OSBP: variants seen among roughly 807,000 people sequenced by gnomAD.
OSBP encodes the protein oxysterol binding protein, also known as oxysterol-binding protein 1.
OSBP carries 32 observed loss-of-function variants against 96.6 expected under a neutral mutation model. The observed-to-expected ratio is 0.33, with a 90% CI of 0.25 to 0.45. The LOEUF is 0.45. OSBP is among the 20% of genes least tolerant of loss of function. OSBP has a pLI of 1.00. For missense variants in OSBP, 653 were observed against 1,029.7 expected, an observed-to-expected ratio of 0.63 and a Z score of 5.01; for synonymous variants, 369 against 389.6, an observed-to-expected ratio of 0.95 and a Z score of 0.62.
intron 3 of OSBP, 36 bp downstream of exon 3, chr11:59,608,448 G>C (rs182806476): frequency 1.5e-5 from 24 of 1,613,292 alleles, no homozygotes; most frequent in Admixed American, 3.3e-5. Context: ...AAGAGGGAAT[G>C]AATCAAAAAG....
chr11:59,595,998 A>T (rs542999323), intron 7 of OSBP, among the ~76,000 whole-genome samples: 50 of 149,924 alleles, frequency 3.3e-4, no homozygotes, highest in African/African-American at 1.1e-3. Context: ...TAAATAAATA[A>T]AATTCATAAA....
At chr11:59,613,251 TATGGC>T (rs1411253847) in intron 1 of OSBP, among the ~76,000 whole-genome samples, 7 of 152,240 alleles carry the variant, frequency 4.6e-5, no homozygotes, top group Non-Finnish European at 8.8e-5. Context: ...AGGGCAGGCC[TATGGC>T]ATATTTCCCA....
intron 7 of OSBP, among the ~76,000 whole-genome samples, chr11:59,599,988 A>C (rs1339411875): frequency 6.6e-6 from 1 of 152,226 alleles, no homozygotes; most frequent in Non-Finnish European, 1.5e-5. Flanking sequence ...ACAACAGTGT[A>C]GACAGACTGG....
At chr11:59,579,921 AGG>A (rs1323549517) in intron 11 of OSBP, among the ~76,000 whole-genome samples, 1 of 152,120 alleles carries the variant, frequency 6.6e-6, no homozygotes, top group Non-Finnish European at 1.5e-5. Flanking sequence ...CATGTTGGCC[AGG>A]CTGGGCTCGA....
At chr11:59,610,777 T>C (rs1016591652) in intron 1 of OSBP, among the ~76,000 whole-genome samples, 188 bp from the exon 2 acceptor site, 27 of 151,742 alleles carry the variant, frequency 1.8e-4, no homozygotes, top group African/African-American at 6.5e-4. Context: ...TCAGAGCCTA[T>C]AAGTGTTGTT....
chr11:59,592,074 A>C (rs1286187863), intron 9 of OSBP, among the ~76,000 whole-genome samples: 1 of 152,222 alleles, frequency 6.6e-6, no homozygotes, highest in African/African-American at 2.4e-5. Flanking sequence ...ATGGTGAAAC[A>C]TCACATTGCA....
intron 3 of OSBP, among the ~76,000 whole-genome samples, chr11:59,606,392 C>A (rs1860781222): frequency 6.7e-6 from 1 of 148,900 alleles, no homozygotes. Context: ...AACATGAATG[C>A]AACTGGAGGC....
At chr11:59,582,140 ATC>A (rs1265956251) in intron 9 of OSBP, among the ~76,000 whole-genome samples, 1 of 152,230 alleles carries the variant, frequency 6.6e-6, no homozygotes, top group African/African-American at 2.4e-5. Context: ...TGACAGGAAT[ATC>A]TCTGTTATTT....
At chr11:59,612,124 C>T (rs1456537154) in intron 1 of OSBP, among the ~76,000 whole-genome samples, 1 of 152,204 alleles carries the variant, frequency 6.6e-6, no homozygotes, top group African/African-American at 2.4e-5. Flanking sequence ...ATGGCACACA[C>T]CCCATAAGAT....
chr11:59,600,384 A>G, intron 7 of OSBP, 112 bp downstream of exon 7: 1 of 1,164,720 alleles, frequency 8.6e-7, no homozygotes, highest in Non-Finnish European at 1.2e-6. Context: ...AAAGGTAAAA[A>G]AGACCATGCC....
chr11:59,584,148 T>G (rs962457856), intron 9 of OSBP, among the ~76,000 whole-genome samples: 2 of 151,956 alleles, frequency 1.3e-5, no homozygotes, highest in Admixed American at 6.6e-5. Context: ...GGTTCCACTA[T>G]GTTGCCTAAA....
intron 12 of OSBP, among the ~76,000 whole-genome samples, chr11:59,577,257 T>G (rs1180533002): frequency 1.3e-5 from 2 of 152,208 alleles, no homozygotes; most frequent in African/African-American, 4.8e-5. Context: ...TGGTGTTGTG[T>G]GGTGCCCAGC....
rs542018965 is a variant in OSBP at position 59,608,259 on chromosome 11, G to C, written c.822+225C>G. On this transcript the variant is annotated intron_variant, in intron 3 of 13. Coordinates refer to ENST00000263847, the MANE Select transcript of OSBP (RefSeq NM_002556.3). ...AGGAACCCTGGACTCCTGATTCCCA[G>C]CTGCAGCAAAGACCTCCTGATCACT... Among the ~76,000 whole-genome samples, 176 of 152,304 alleles carry C rather than the reference G, an allele frequency of 1.2e-3. 1 individual carries two copies. The Middle Eastern group carries it at 0.017, about 15-fold the overall frequency.
intron 2 of OSBP, among the ~76,000 whole-genome samples, chr11:59,609,095 T>C (rs1474726878): frequency 6.6e-6 from 1 of 152,244 alleles, no homozygotes; most frequent in Non-Finnish European, 1.5e-5. Flanking sequence ...TGAAAGGCTC[T>C]TGGAATTGGG....
intron 7 of OSBP, among the ~76,000 whole-genome samples, chr11:59,596,679 C>T (rs1043487569): frequency 3.3e-5 from 5 of 151,810 alleles, no homozygotes; most frequent in Non-Finnish European, 7.4e-5. Flanking sequence ...AGTATTACTA[C>T]AGCCTAGAGG....
intron 9 of OSBP, among the ~76,000 whole-genome samples, chr11:59,585,901 T>C (rs1300106989): frequency 6.6e-6 from 1 of 152,206 alleles, no homozygotes; most frequent in Non-Finnish European, 1.5e-5. Flanking sequence ...ATGTGCTGTG[T>C]CCACTCAGGG....
In OSBP at chr11:59,615,291, G is replaced by A. The variant is rs1420956026; in HGVS notation, c.362+12C>T. On this transcript the variant is annotated intron_variant, in intron 1 of 13. Coordinates refer to ENST00000263847, the MANE Select transcript of OSBP (RefSeq NM_002556.3). The stretch of plus-strand genomic sequence containing the variant: ...GAGGCAAGGTGAGCGACAGCGCCCC[G>A]GAAGCAGTTACCTGTAGTAGCTCAG... 1.3e-6 allele frequency: 2 copies of A among 1,589,932 alleles called. No individual in the cohort carries two copies. The highest frequency in any genetic ancestry group is 1.7e-6 in the Non-Finnish European group (2 of 1,164,070).
intron 7 of OSBP, among the ~76,000 whole-genome samples, chr11:59,599,515 A>G (rs1860694549): frequency 6.6e-6 from 1 of 152,106 alleles, no homozygotes; most frequent in South Asian, 2.1e-4. Flanking sequence ...CTAGCGCAAC[A>G]TCAGGCAAAT....
Position 59,586,974 on chromosome 11 carries a change from T to C in OSBP, c.1679-5420A>G, listed in dbSNP as rs547567605. Among the ~76,000 whole-genome samples the C allele has an allele frequency of 4.9e-4, 75 of 152,280 alleles. 1 individual carries two copies. In the South Asian group the frequency reaches 0.015, roughly 31 times the overall value. On this transcript the variant is annotated intron_variant, in intron 9 of 13. Coordinates refer to ENST00000263847, the MANE Select transcript of OSBP (RefSeq NM_002556.3). ...CAACATTGGGTTTGGCAATAATTTC[T>C]TGGCTATGACACCAAAAGCAGATGC...
Sources: allele counts gnomAD v4.1 joint callset (sites outside exome capture counted in the v4.1 genomes callset), GRCh38; gene constraint gnomAD v4.1.1; transcripts MANE v1.5; gene names NCBI Gene and HGNC (gene_info 2026-07-23, HGNC 2026-07-21).